GOLGA8A: variants seen among roughly 807,000 people sequenced by gnomAD.
GOLGA8A encodes golgin A8 family member A.
GOLGA8A carries 3 observed loss-of-function variants against 22.1 expected under a neutral mutation model. That is an observed-to-expected ratio of 0.14 (90% CI 0.06 to 0.35). GOLGA8A has a LOEUF of 0.35. GOLGA8A is among the 10% of genes least tolerant of loss of function. The pLI, the probability that GOLGA8A is intolerant of heterozygous loss-of-function variation, is 1.00. For synonymous variants in GOLGA8A, 7 were observed against 91.7 expected, an observed-to-expected ratio of 0.08 and a Z score of 5.28; for missense variants, 16 against 233.2, an observed-to-expected ratio of 0.07 and a Z score of 6.07.
At chr15:34,424,924 A>G (rs1213718800) in intron 2 of GOLGA8A, among the ~76,000 whole-genome samples, 2 of 137,904 alleles carry the variant, frequency 1.5e-5, no homozygotes, top group Non-Finnish European at 3.1e-5. Context: ...ACTTGGAAAA[A>G]CCCCACCTCT....
intron 8 of GOLGA8A, among the ~76,000 whole-genome samples, chr15:34,397,721 TTGGATTCTCC>T (rs1452218969): frequency 0.033 from 4,298 of 128,344 alleles, 45 homozygotes; most frequent in African/African-American, 0.11. Context: ...TGATATTCTC[TTGGATTCTCC>T]TGGAGAATGT....
Position 34,432,206 on chromosome 15 carries a change from G to A in GOLGA8A, c.-1123+3177C>T, listed in dbSNP as rs1324729373. On this transcript the variant is annotated intron_variant, in intron 2 of 24. Transcript: ENST00000359187. ...GCTCCCAGACCCTTTTCCCATCGCT[G>A]TATAGGGCCCACGTCATCTGTGGCA... is the stretch of plus-strand genomic sequence containing the variant. Among the ~76,000 whole-genome samples, 6 of 149,124 alleles carry A rather than the reference G, an allele frequency of 4.0e-5. 1 individual carries two copies. The Admixed American group carries it at 4.1e-4, about 10-fold the overall frequency.
rs1893315421 is a variant in GOLGA8A at position 34,432,793 on chromosome 15, T to C, written c.-1123+2590A>G. Among the ~76,000 whole-genome samples, 3 of 148,894 alleles carry C rather than the reference T, an allele frequency of 2.0e-5. 1 individual carries two copies. ...ACCACCTTACATTAAAACAGCCCTT[T>C]AGAGTTTAGAGTTTATGACAGGCCG... On this transcript the variant is annotated intron_variant, in intron 2 of 24. Coordinates refer to ENST00000359187, the MANE Select transcript of GOLGA8A (RefSeq NM_181077.5).
intron 2 of GOLGA8A, chr15:34,428,527 T>C: frequency 6.7e-6 from 1 of 149,234 alleles, no homozygotes; most frequent in Non-Finnish European, 1.5e-5. Context: ...GACGTGGGCC[T>C]CACGGGAGGG....
chr15:34,420,142 G>C (rs75715972), intron 2 of GOLGA8A: 1 of 148,270 alleles, frequency 6.7e-6, no homozygotes, highest in South Asian at 2.2e-4. Flanking sequence ...TAAAAACTAA[G>C]AAAATTAAGA....
intron 2 of GOLGA8A, among the ~76,000 whole-genome samples, chr15:34,434,085 A>G (rs8033247): frequency 0.093 from 13,861 of 149,088 alleles, 1,658 homozygotes; most frequent in South Asian, 0.25. Context: ...CGGGATGGAC[A>G]TGGGCCAAGA....
intron 2 of GOLGA8A, among the ~76,000 whole-genome samples, chr15:34,421,911 C>G (rs1595661597): frequency 1.4e-5 from 2 of 138,548 alleles, no homozygotes; most frequent in Middle Eastern, 3.6e-3. Flanking sequence ...CATGCAGAAC[C>G]ACAGAGACAG....
intron 2 of GOLGA8A, among the ~76,000 whole-genome samples, chr15:34,425,312 A>G (rs1488184773): frequency 6.8e-6 from 1 of 148,014 alleles, no homozygotes; most frequent in Non-Finnish European, 1.5e-5. Context: ...AGAACACAGC[A>G]GCTACTTAAC....
chr15:34,428,239 G>A (rs35152105), intron 2 of GOLGA8A, among the ~76,000 whole-genome samples: 19 of 147,300 alleles, frequency 1.3e-4, no homozygotes, highest in East Asian at 6.0e-4. Context: ...GACCACACCC[G>A]TGAGCCACCA....
chr15:34,436,535 A>G lies in GOLGA8A; in HGVS notation c.-1212+863T>C, dbSNP rs1467445988. On this transcript the variant is annotated intron_variant, in intron 1 of 24. Coordinates refer to ENST00000359187, the MANE Select transcript of GOLGA8A (RefSeq NM_181077.5). ...CAGTAAATACTAAGTTAAGACTAGCAGGCCCCTCTAAGGCTCTGCTCTCCA... is the reference window on the plus strand; with the variant it reads ...CAGTAAATACTAAGTTAAGACTAGCGGGCCCCTCTAAGGCTCTGCTCTCCA... Among the ~76,000 whole-genome samples the G allele has an allele frequency of 1.3e-5, 2 of 149,992 alleles. 1 individual carries two copies. Among genetic ancestry groups the G allele is most frequent in the Non-Finnish European group, 3.0e-5 (2 of 67,324 alleles).
chr15:34,434,759 G>A (rs1232648777), intron 2 of GOLGA8A, among the ~76,000 whole-genome samples: 3 of 149,374 alleles, frequency 2.0e-5, no homozygotes, highest in Admixed American at 6.7e-5. Flanking sequence ...ACCTACATCT[G>A]GGAGGCCTGC....
Position 34,431,288 on chromosome 15 carries a change from A to G in GOLGA8A, c.-1123+4095T>C, listed in dbSNP as rs1275349052. On this transcript the variant is annotated intron_variant, in intron 2 of 24. Coordinates refer to ENST00000359187, the MANE Select transcript of GOLGA8A (RefSeq NM_181077.5). Reference sequence around the variant, plus strand: ...AATGCCAAACCAACCAAATGAAAAAAAATTATATATATATATATATATACA... The same window carrying G: ...AATGCCAAACCAACCAAATGAAAAAGAATTATATATATATATATATATACA... Among the ~76,000 whole-genome samples the G allele has an allele frequency of 1.6e-3, 134 of 83,364 alleles. 4 individuals are homozygous for G. The highest frequency in any genetic ancestry group is 8.8e-3 in the East Asian group (20 of 2,266). The allele number at this position is 83,364 out of a possible 152,430, so 54.7% of individuals were successfully genotyped here. A position where few individuals can be genotyped will look rare whatever the true frequency, so the allele number is the denominator to read the frequency against.
Position 34,420,198 on chromosome 15 carries a change from C to A in GOLGA8A, c.-1122-12463G>T, listed in dbSNP as rs983349386. On this transcript the variant is annotated intron_variant, in intron 2 of 24. Transcript: ENST00000359187. Reference sequence around the variant, plus strand: ...AGGAGAGCGGTGTCAGGCATCTCACCAGCCGATTCTCCCAGAAGTTTTCCT... The same window carrying A: ...AGGAGAGCGGTGTCAGGCATCTCACAAGCCGATTCTCCCAGAAGTTTTCCT... The A allele has an allele frequency of 1.0e-4, 15 of 146,418 alleles. 2 individuals are homozygous for A. The highest frequency in any genetic ancestry group is 9.1e-4 in the Admixed American group (13 of 14,304). 9.1% of individuals were successfully genotyped at this position (146,418 alleles called of 1,614,324 possible). A position where few individuals can be genotyped will look rare whatever the true frequency, so the allele number is the denominator to read the frequency against.
chr15:34,430,300 A>G (rs575331718), intron 2 of GOLGA8A, among the ~76,000 whole-genome samples: 3 of 149,248 alleles, frequency 2.0e-5, no homozygotes, highest in Non-Finnish European at 4.5e-5. Flanking sequence ...CCCACCTGCA[A>G]AACGATGACA....
chr15:34,400,737 C>G lies in GOLGA8A; in HGVS notation c.-552G>C, dbSNP rs534196309. On this transcript the variant is annotated 5_prime_UTR_variant, in exon 6 of 25. Transcript: ENST00000359187. ...CGGATTCATACTTCAGGAAGACAAC[C>G]CAGTTGACAACGACAACAGTTTCTA... is the stretch of plus-strand genomic sequence containing the variant. 2 of 146,526 alleles carry G rather than the reference C, an allele frequency of 1.4e-5. No individual in the cohort carries two copies. Among genetic ancestry groups the G allele is most frequent in the Non-Finnish European group, 3.1e-5 (2 of 64,594 alleles). 9.1% of individuals were successfully genotyped at this position (146,526 alleles called of 1,614,324 possible).
rs367925841 is a variant in GOLGA8A at position 34,380,135 on chromosome 15, A to C, written c.*1276T>G. The C allele has an allele frequency of 5.9e-5, 9 of 152,490 alleles. No homozygotes were observed. The South Asian group carries it at 6.2e-4, about 11-fold the overall frequency. 9.4% of individuals were successfully genotyped at this position (152,490 alleles called of 1,614,324 possible). On this transcript the variant is annotated 3_prime_UTR_variant, in exon 25 of 25. Transcript: ENST00000359187. Reference sequence around the variant, plus strand: ...TAAGTACTCTCACATATATTAGTTTATAATAATGTTTGTTATTACTTTCTA... The same window carrying C: ...TAAGTACTCTCACATATATTAGTTTCTAATAATGTTTGTTATTACTTTCTA...
chr15:34,427,406 C>A (rs80263932), intron 2 of GOLGA8A, among the ~76,000 whole-genome samples: 1 of 147,486 alleles, frequency 6.8e-6, no homozygotes, highest in Non-Finnish European at 1.5e-5. Context: ...TAATCGAGTC[C>A]GTTTTTTCTG....
chr15:34,380,308 T>A lies in GOLGA8A; in HGVS notation c.*1103A>T, dbSNP rs527870746. 7.2e-5 allele frequency: 11 copies of A among 152,282 alleles called. No homozygotes were observed. In the South Asian group the frequency reaches 2.3e-3, roughly 32 times the overall value. 9.4% of individuals were successfully genotyped at this position (152,282 alleles called of 1,614,324 possible). ...TCCATGAACAGAGAGGAATGCCAGGTGTCACACAGCTTTCCTTCACTCTAA... is the reference window on the plus strand; with the variant it reads ...TCCATGAACAGAGAGGAATGCCAGGAGTCACACAGCTTTCCTTCACTCTAA... On this transcript the variant is annotated 3_prime_UTR_variant, in exon 25 of 25. Transcript: ENST00000359187.
rs993214067 is a variant in GOLGA8A at position 34,380,142 on chromosome 15, T to C, written c.*1269A>G. The C allele has an allele frequency of 6.6e-6, 1 of 152,350 alleles. No individual in the cohort carries two copies. The highest frequency in any genetic ancestry group is 2.4e-5 in the African/African-American group (1 of 41,476). The allele number at this position is 152,350 out of a possible 1,614,324, so 9.4% of individuals were successfully genotyped here. A position where few individuals can be genotyped will look rare whatever the true frequency, so the allele number is the denominator to read the frequency against. Reference sequence around the variant, plus strand: ...TCTCACATATATTAGTTTATAATAATGTTTGTTATTACTTTCTAAAGTGTT... The same window carrying C: ...TCTCACATATATTAGTTTATAATAACGTTTGTTATTACTTTCTAAAGTGTT... On this transcript the variant is annotated 3_prime_UTR_variant, in exon 25 of 25. Coordinates refer to ENST00000359187, the MANE Select transcript of GOLGA8A (RefSeq NM_181077.5).
Sources: gnomAD v4.1 joint callset for allele counts (sites outside exome capture counted in the v4.1 genomes callset) on GRCh38, gnomAD v4.1.1 for gene constraint, MANE v1.5 for transcripts, NCBI Gene and HGNC (gene_info 2026-07-23, HGNC 2026-07-21) for gene names.